Variants in SPPL3 observed in about 807,000 individuals in gnomAD.
The protein encoded by SPPL3 is signal peptide peptidase like 3, also known as signal peptide peptidase-like 3.
In SPPL3, 5 loss-of-function variants were observed where a neutral mutation model predicts 42.4. The observed-to-expected ratio is 0.12, with a 90% CI of 0.06 to 0.25. The LOEUF is 0.25. SPPL3 is among the 10% of genes least tolerant of loss of function. The pLI is 1.00. For synonymous variants in SPPL3, 195 were observed against 181.8 expected (o/e 1.07, Z -0.58); for missense variants, 235 against 489.0 (o/e 0.48, Z 4.90).
At chr12:120,900,461 C>T (rs1307420815) in intron 1 of SPPL3, among the ~76,000 whole-genome samples, 1 of 151,362 alleles carries the variant, frequency 6.6e-6, no homozygotes, top group Non-Finnish European at 1.5e-5. Flanking sequence ...AATAATCAGC[C>T]GGGCGTGGTG....
chr12:120,820,061 C>T (rs559980645), intron 1 of SPPL3, among the ~76,000 whole-genome samples: 3 of 152,328 alleles, frequency 2.0e-5, no homozygotes, highest in Non-Finnish European at 4.4e-5. Context: ...CCATGAGCCA[C>T]ATTTCGGGAA....
At chr12:120,792,696 CAAAAAAAAA>C in intron 2 of SPPL3, among the ~76,000 whole-genome samples, 1 of 71,784 alleles carries the variant, frequency 1.4e-5, no homozygotes, top group African/African-American at 4.5e-5. Flanking sequence ...GAGACTGTCT[CAAAAAAAAA>C]AAAAAAAAAA....
chr12:120,777,147 TC>T (rs1195780489), intron 6 of SPPL3, among the ~76,000 whole-genome samples: 2 of 152,174 alleles, frequency 1.3e-5, no homozygotes, highest in Non-Finnish European at 2.9e-5. Context: ...ACTGAAAAAA[TC>T]TGGTTTAGAT....
At chr12:120,825,938 CCT>C (rs1408203755) in intron 1 of SPPL3, among the ~76,000 whole-genome samples, 1 of 113,798 alleles carries the variant, frequency 8.8e-6, no homozygotes, top group East Asian at 2.3e-4. Context: ...ACTAATGGGA[CCT>C]CTCTTTGTCC....
intron 1 of SPPL3, among the ~76,000 whole-genome samples, chr12:120,890,292 A>C (rs556126031): frequency 1.3e-4 from 19 of 151,878 alleles, no homozygotes; most frequent in African/African-American, 4.6e-4. Context: ...GGGTATTTTC[A>C]AAATATCAAA....
chr12:120,868,233 G>T (rs1191255900), intron 1 of SPPL3, among the ~76,000 whole-genome samples: 2 of 151,956 alleles, frequency 1.3e-5, no homozygotes, highest in Non-Finnish European at 2.9e-5. Flanking sequence ...TCCAGCCTGG[G>T]TGACGGAGCA....
chr12:120,785,683 G>T (rs980315632), intron 3 of SPPL3, among the ~76,000 whole-genome samples: 2 of 151,482 alleles, frequency 1.3e-5, no homozygotes, highest in Non-Finnish European at 2.9e-5. Context: ...AATAATAGAA[G>T]AAAAAGGCTG....
intron 1 of SPPL3, among the ~76,000 whole-genome samples, chr12:120,881,947 T>A (rs747419477): frequency 6.6e-6 from 1 of 152,034 alleles, no homozygotes; most frequent in African/African-American, 2.4e-5. Flanking sequence ...ATGGGTACAG[T>A]AGTTCCGATT....
chr12:120,808,028 A>G (rs1267322243), intron 2 of SPPL3, among the ~76,000 whole-genome samples: 2 of 151,048 alleles, frequency 1.3e-5, no homozygotes, highest in Admixed American at 6.6e-5. Flanking sequence ...TGGTTGCATA[A>G]TCTTTGTCAA....
intron 2 of SPPL3, among the ~76,000 whole-genome samples, chr12:120,792,797 CATGTGATCACTGAA>C (rs1869965778): frequency 6.6e-6 from 1 of 151,792 alleles, no homozygotes; most frequent in Admixed American, 6.6e-5. Context: ...TCAGCCACAT[CATGTGATCACTGAA>C]ATGTGGCTGG....
intron 6 of SPPL3, 155 bp from the exon 7 acceptor site, chr12:120,769,214 A>C (rs1869021557): frequency 1.7e-6 from 1 of 587,800 alleles, no homozygotes; most frequent in Non-Finnish European, 3.1e-6. Flanking sequence ...AACTGGTGCA[A>C]AACACCCGCT....
chr12:120,895,425 C>A (rs1873770396), intron 1 of SPPL3, among the ~76,000 whole-genome samples: 1 of 130,740 alleles, frequency 7.6e-6, no homozygotes, highest in Non-Finnish European at 1.8e-5. Flanking sequence ...GAAACTCCAT[C>A]TCAAAAAAAA....
chr12:120,775,562 C>T (rs1346930211), intron 6 of SPPL3, among the ~76,000 whole-genome samples: 1 of 152,228 alleles, frequency 6.6e-6, no homozygotes, highest in Non-Finnish European at 1.5e-5. Context: ...AATCAGACAT[C>T]TGTCAAGATT....
intron 1 of SPPL3, among the ~76,000 whole-genome samples, chr12:120,814,034 A>G (rs1870782012): frequency 6.6e-6 from 1 of 152,210 alleles, no homozygotes; most frequent in African/African-American, 2.4e-5. Context: ...GTGAAATAAT[A>G]TGATTTAAGA....
chr12:120,900,141 A>G (rs925221768), intron 1 of SPPL3, among the ~76,000 whole-genome samples: 3 of 152,278 alleles, frequency 2.0e-5, no homozygotes, highest in Middle Eastern at 3.4e-3. Flanking sequence ...AGTAATGATC[A>G]ACTCATTGCC....
intron 1 of SPPL3, among the ~76,000 whole-genome samples, chr12:120,853,983 T>TACACACAC (rs58246859): frequency 0.058 from 7,582 of 130,200 alleles, 357 homozygotes; most frequent in Non-Finnish European, 0.07. Context: ...CACGCACACA[T>TACACACAC]ACACACACAC....
At chr12:120,786,663 T>A (rs1284153738) in intron 3 of SPPL3, among the ~76,000 whole-genome samples, 1 of 152,066 alleles carries the variant, frequency 6.6e-6, no homozygotes, top group African/African-American at 2.4e-5. Flanking sequence ...TTTTTTTTTT[T>A]AAACCACAGA....
chr12:120,872,267 G>A (rs1384682827), intron 1 of SPPL3, among the ~76,000 whole-genome samples: 8 of 152,202 alleles, frequency 5.3e-5, no homozygotes, highest in Admixed American at 5.2e-4. Context: ...TTTGGAACAT[G>A]AAGTTGTAAC....
chr12:120,835,146 T>TA (rs1202608373), intron 1 of SPPL3, among the ~76,000 whole-genome samples: 1 of 152,210 alleles, frequency 6.6e-6, no homozygotes, highest in African/African-American at 2.4e-5. Context: ...AACTTCCTTT[T>TA]AATGATGTCT....
Sources: allele counts gnomAD v4.1 joint callset (sites outside exome capture counted in the v4.1 genomes callset), GRCh38; gene constraint gnomAD v4.1.1; transcripts MANE v1.5; gene names NCBI Gene and HGNC (gene_info 2026-07-23, HGNC 2026-07-21).